MYO10: variants seen among roughly 807,000 people sequenced by gnomAD.
The protein encoded by MYO10 is myosin X, also known as unconventional myosin-X.
A neutral mutation model predicts 257.3 loss-of-function variants in MYO10; 133 were observed. The observed-to-expected ratio is 0.52, with a 90% CI of 0.45 to 0.60. The LOEUF is 0.60. Ranked by LOEUF, MYO10 falls within the 20% of genes least tolerant of loss-of-function variation. The pLI is 0.00. For synonymous variants in MYO10, 1,104 were observed against 1,028.6 expected (o/e 1.07, Z -1.40); for missense variants, 2,399 against 2,635.7 (o/e 0.91, Z 1.97).
At chr5:16,748,258 T>C (rs1051147842) in intron 19 of MYO10, among the ~76,000 whole-genome samples, 1 of 151,952 alleles carries the variant, frequency 6.6e-6, no homozygotes, top group Non-Finnish European at 1.5e-5. Context: ...TTGAAGTTTT[T>C]TTTTCTGAGA....
At chr5:16,759,067 G>A (rs183600819) in intron 17 of MYO10, among the ~76,000 whole-genome samples, 68 of 152,072 alleles carry the variant, frequency 4.5e-4, no homozygotes, top group Middle Eastern at 3.4e-3. Flanking sequence ...GATTATAGGC[G>A]CCTGCCATCA....
chr5:16,865,484 A>G (rs948752129), intron 2 of MYO10, among the ~76,000 whole-genome samples: 1 of 152,192 alleles, frequency 6.6e-6, no homozygotes, highest in African/African-American at 2.4e-5. Flanking sequence ...CGAATGTGCT[A>G]TTATTTTGTA....
intron 27 of MYO10, among the ~76,000 whole-genome samples, chr5:16,692,073 A>T (rs1402742681): frequency 6.6e-6 from 1 of 152,204 alleles, no homozygotes; most frequent in Admixed American, 6.5e-5. Context: ...TGACTTGAAG[A>T]AAATAACTAT....
intron 1 of MYO10, among the ~76,000 whole-genome samples, chr5:16,911,354 A>G (rs1219408949): frequency 1.3e-5 from 2 of 152,190 alleles, no homozygotes; most frequent in African/African-American, 4.8e-5. Flanking sequence ...GCACTTCTTC[A>G]CCATCTAAAA....
intron 2 of MYO10, among the ~76,000 whole-genome samples, chr5:16,844,873 T>TA (rs1357065163): frequency 2.6e-5 from 4 of 151,904 alleles, no homozygotes; most frequent in Admixed American, 2.6e-4. Flanking sequence ...CACCCCTTCT[T>TA]ACATTGCCAG....
At chr5:16,671,389 G>C in intron 38 of MYO10, 33 bp downstream of exon 38, 2 of 1,610,712 alleles carry the variant, frequency 1.2e-6, no homozygotes, top group Non-Finnish European at 1.7e-6. Flanking sequence ...TTGCTTGCCG[G>C]CAAAGAAATC....
At position 16,666,676 on chromosome 5, in the gene MYO10, G is replaced by C; in HGVS notation, c.*16C>G. Reference sequence around the variant, plus strand: ...GTGCGTTCAGGTAGCAAAGACAGGTGGGCTCTGTCCCGCCTTCACCTGGAG... The same window carrying C: ...GTGCGTTCAGGTAGCAAAGACAGGTCGGCTCTGTCCCGCCTTCACCTGGAG... On this transcript the variant is annotated 3_prime_UTR_variant, in exon 41 of 41. Coordinates refer to ENST00000513610, the MANE Select transcript of MYO10 (RefSeq NM_012334.3). The C allele has an allele frequency of 6.3e-7, 1 of 1,580,216 alleles. No homozygotes were observed. The highest frequency in any genetic ancestry group is 8.6e-7 in the Non-Finnish European group (1 of 1,165,002).
At chr5:16,697,697 C>A (rs1246519137) in intron 26 of MYO10, among the ~76,000 whole-genome samples, 144 of 133,542 alleles carry the variant, frequency 1.1e-3, no homozygotes, top group South Asian at 1.7e-3. Context: ...GATCCTGTCT[C>A]AAAAAAAAAA....
At chr5:16,753,842 C>T (rs550070314) in intron 19 of MYO10, among the ~76,000 whole-genome samples, 2 of 152,198 alleles carry the variant, frequency 1.3e-5, no homozygotes, top group Non-Finnish European at 1.5e-5. Flanking sequence ...CCAAAGGCAA[C>T]TGGTTGGCAT....
chr5:16,702,706 C>A, intron 23 of MYO10, 118 bp from the exon 24 acceptor site: 1 of 1,032,888 alleles, frequency 9.7e-7, no homozygotes, highest in South Asian at 1.5e-5. Flanking sequence ...AGACAGAGCC[C>A]CTTCCTCTGG....
rs1736042206 is a variant in MYO10, at chr5:16,663,328, G to GTTTGTTTTTTT, written c.*3363_*3364insAAAAAAACAAA. On this transcript the variant is annotated 3_prime_UTR_variant, in exon 41 of 41. Transcript: ENST00000513610. ...AAAAAGTAACATTTTACTTCTAGTT[G>GTTTGTTTTTTT]TTTTTTTTTTTTTTTTTTTTTTTTT... is the stretch of plus-strand genomic sequence containing the variant. The GTTTGTTTTTTT allele has an allele frequency of 6.5e-5, 5 of 76,888 alleles. No individual in the cohort carries two copies. The highest frequency in any genetic ancestry group is 1.9e-4 in the African/African-American group (3 of 15,498). The allele number at this position is 76,888 out of a possible 1,614,324, so 4.8% of individuals were successfully genotyped here.
Position 16,694,397 on chromosome 5 carries a change from C to G in MYO10, c.3774G>C (p.Lys1258Asn), listed in dbSNP as rs543440473. Residue 1258 changes from lysine (K) to asparagine (N), a missense_variant, in exon 27 of 41, where the codon AAG becomes AAC. By Grantham distance (94) the Lys-to-Asn change is moderately conservative. Transcript: ENST00000513610. ...YFENDSEEKL[K>N]GTVEVRTAKE... ...TTGCCGTTCGCACTTCTACGGTGCC[C>G]TTGAGCTTCTCCTCGCTGTCGTTTT... 3.7e-6 allele frequency: 6 copies of G among 1,614,060 alleles called. No individual in the cohort carries two copies. The highest frequency in any genetic ancestry group is 5.1e-6 in the Non-Finnish European group (6 of 1,179,900).
intron 21 of MYO10, among the ~76,000 whole-genome samples, chr5:16,709,554 A>G (rs1738499246): frequency 6.6e-6 from 1 of 152,108 alleles, no homozygotes; most frequent in African/African-American, 2.4e-5. Context: ...AACTAGAAAG[A>G]AAACAGGGAC....
chr5:16,888,093 C>T (rs187328843), intron 1 of MYO10, among the ~76,000 whole-genome samples: 1 of 152,164 alleles, frequency 6.6e-6, no homozygotes, highest in Admixed American at 6.5e-5. Flanking sequence ...AATAATTCAT[C>T]CATCTGTAAA....
intron 3 of MYO10, among the ~76,000 whole-genome samples, chr5:16,805,735 A>G (rs889506692): frequency 5.9e-5 from 9 of 152,216 alleles, no homozygotes; most frequent in African/African-American, 1.9e-4. Flanking sequence ...TAGGAAGTAC[A>G]TTCTATTTTG....
At chr5:16,839,353 G>C (rs560889639) in intron 2 of MYO10, among the ~76,000 whole-genome samples, 1 of 152,282 alleles carries the variant, frequency 6.6e-6, no homozygotes, top group South Asian at 2.1e-4. Context: ...GACTTCAGTG[G>C]AGGAAGTCAT....
intron 5 of MYO10, among the ~76,000 whole-genome samples, chr5:16,782,330 G>A: frequency 6.6e-6 from 1 of 152,194 alleles, no homozygotes; most frequent in East Asian, 1.9e-4. Context: ...AGGCTTTGCA[G>A]ACCACGGGAT....
At chr5:16,912,059 G>A (rs990995019) in intron 1 of MYO10, among the ~76,000 whole-genome samples, 2 of 151,914 alleles carry the variant, frequency 1.3e-5, no homozygotes, top group Non-Finnish European at 2.9e-5. Flanking sequence ...TAGGTTGTTT[G>A]TTTGTTTGTT....
At chr5:16,907,482 G>C (rs1745549571) in intron 1 of MYO10, among the ~76,000 whole-genome samples, 1 of 152,062 alleles carries the variant, frequency 6.6e-6, no homozygotes, top group South Asian at 2.1e-4. Context: ...ACGGGAGATT[G>C]CATTTCCCTT....
Sources: gnomAD v4.1 joint callset for allele counts (sites outside exome capture counted in the v4.1 genomes callset) on GRCh38, gnomAD v4.1.1 for gene constraint, MANE v1.5 for transcripts, NCBI Gene and HGNC (gene_info 2026-07-23, HGNC 2026-07-21) for gene names.